Variants in TMEM156 observed in about 807,000 individuals in gnomAD.
TMEM156 encodes the protein transmembrane protein 156.
Under a neutral mutation model 30.5 loss-of-function variants are expected in TMEM156, and 28 were observed. The observed-to-expected ratio is 0.92, with a 90% CI of 0.68 to 1.26. TMEM156 has a LOEUF of 1.26. Ranked by LOEUF, TMEM156 falls within the 50% of genes most tolerant of loss-of-function variation. The pLI is 0.00. For missense variants in TMEM156, 351 were observed against 340.6 expected, an observed-to-expected ratio of 1.03 and a Z score of -0.24; for synonymous variants, 137 against 119.9, an observed-to-expected ratio of 1.14 and a Z score of -0.93.
intron 5 of TMEM156, among the ~76,000 whole-genome samples, chr4:38,983,096 G>A (rs1711707410): frequency 6.6e-6 from 1 of 152,096 alleles, no homozygotes; most frequent in Non-Finnish European, 1.5e-5. Flanking sequence ...TTCAGAGGGG[G>A]GTGACACCAG....
chr4:38,980,185 T>TAAAAA (rs780451036), intron 5 of TMEM156, among the ~76,000 whole-genome samples: 1 of 112,420 alleles, frequency 8.9e-6, no homozygotes, highest in East Asian at 2.5e-4. Context: ...CCAGATTAAC[T>TAAAAA]AAAAAAAAAA....
intron 1 of TMEM156, among the ~76,000 whole-genome samples, chr4:39,004,201 T>A (rs541783131): frequency 6.6e-6 from 1 of 152,250 alleles, no homozygotes; most frequent in East Asian, 1.9e-4. Context: ...GAGATGGAAA[T>A]GCATTCCAGA....
chr4:39,017,782 T>A (rs185729971), intron 1 of TMEM156, among the ~76,000 whole-genome samples: 32 of 152,338 alleles, frequency 2.1e-4, no homozygotes, highest in African/African-American at 7.5e-4. Context: ...AGTAATGATG[T>A]TAATCTTAAA....
chr4:39,031,269 G>T (rs1715486634), intron 1 of TMEM156, among the ~76,000 whole-genome samples: 1 of 152,010 alleles, frequency 6.6e-6, no homozygotes, highest in Non-Finnish European at 1.5e-5. Flanking sequence ...CAAGTCCTTT[G>T]CTAACATCAA....
chr4:39,021,554 C>G (rs1714869595), intron 1 of TMEM156, among the ~76,000 whole-genome samples: 1 of 151,772 alleles, frequency 6.6e-6, no homozygotes, highest in African/African-American at 2.4e-5. Context: ...GATATTAAAC[C>G]CTTATATATA....
Position 38,971,157 on chromosome 4 carries a change from G to C in TMEM156, c.824-20C>G, listed in dbSNP as rs1192118822. The C allele has an allele frequency of 2.5e-6, 4 of 1,611,584 alleles. No homozygotes were observed. The highest frequency in any genetic ancestry group is 3.4e-6 in the Non-Finnish European group (4 of 1,177,990). On this transcript the variant is annotated intron_variant, in intron 5 of 6. Coordinates refer to ENST00000381938, the MANE Select transcript of TMEM156 (RefSeq NM_024943.3). ...TCTCTGCTATTTAAGAAGGAGAACT[G>C]TTTTAGTCTATATGTAGTAAATAGC...
chr4:39,014,524 G>A (rs1017160718), intron 1 of TMEM156, among the ~76,000 whole-genome samples: 5 of 151,936 alleles, frequency 3.3e-5, no homozygotes, highest in African/African-American at 7.3e-5. Context: ...TTTGGGAGGC[G>A]GAGGTGGGCA....
chr4:39,006,887 G>A (rs1577561450), intron 1 of TMEM156, among the ~76,000 whole-genome samples: 3 of 152,154 alleles, frequency 2.0e-5, no homozygotes, highest in Admixed American at 2.0e-4. Context: ...AGGCCGTGGT[G>A]AGCCATGATC....
intron 5 of TMEM156, among the ~76,000 whole-genome samples, chr4:38,983,022 T>C (rs1422408767): frequency 6.6e-6 from 1 of 152,144 alleles, no homozygotes; most frequent in East Asian, 1.9e-4. Context: ...TACTCCTCCT[T>C]GGAGCTTGCA....
chr4:39,032,128 C>T, intron 1 of TMEM156, 98 bp downstream of exon 1: 1 of 727,022 alleles, frequency 1.4e-6, no homozygotes, highest in Non-Finnish European at 2.4e-6. Flanking sequence ...TCAGCCTATG[C>T]AGCATGTGTC....
Position 39,021,413 on chromosome 4 carries a change from AAAAAG to A in TMEM156, c.88+10808_88+10812del, listed in dbSNP as rs1427067467. ...TTGTCTCAAAAAAAAATAAATAAAT[AAAAAG>A]AAAAGAAAAGAAAAAAATGAAAAAA... On this transcript the variant is annotated intron_variant, in intron 1 of 6. Coordinates refer to ENST00000381938, the MANE Select transcript of TMEM156 (RefSeq NM_024943.3). 2.6e-3 allele frequency among the ~76,000 whole-genome samples: 388 copies of A among 152,118 alleles called. 1 individual carries two copies. The highest frequency in any genetic ancestry group is 9.0e-3 in the African/African-American group (373 of 41,516).
intron 3 of TMEM156, among the ~76,000 whole-genome samples, chr4:38,990,837 T>TTTTTTGTTTTTTTTTTG (rs1560365352): frequency 7.7e-6 from 1 of 129,180 alleles, no homozygotes; most frequent in African/African-American, 2.9e-5. Flanking sequence ...CTGGTTTTTT[T>TTTTTTGTTTTTTTTTTG]TTTTTTTTTT....
At position 38,998,623 on chromosome 4, in the gene TMEM156, C is replaced by T. The variant is rs780510323; in HGVS notation, c.358+17G>A. The stretch of plus-strand genomic sequence containing the variant: ...ATACCTGATACCATTTTATTCTCAC[C>T]TTCACTTTGTGTTTACCTTTTGATG... On this transcript the variant is annotated intron_variant, in intron 2 of 6. Transcript: ENST00000381938. 3.8e-6 allele frequency: 6 copies of T among 1,596,960 alleles called. No individual in the cohort carries two copies. In the African/African-American group the frequency reaches 6.7e-5, roughly 18 times the overall value.
intron 5 of TMEM156, among the ~76,000 whole-genome samples, chr4:38,972,721 C>G (rs772424269): frequency 6.6e-6 from 1 of 152,100 alleles, no homozygotes; most frequent in South Asian, 2.1e-4. Context: ...AAGCGCCAGC[C>G]GTTTGTATTT....
intron 1 of TMEM156, among the ~76,000 whole-genome samples, chr4:39,003,388 G>A (rs1577556212): frequency 1.3e-5 from 2 of 152,050 alleles, no homozygotes; most frequent in African/African-American, 4.8e-5. Flanking sequence ...AGGCTGGAGT[G>A]CAGTGGCATG....
chr4:38,997,014 T>A (rs1216665129), intron 2 of TMEM156, among the ~76,000 whole-genome samples: 1 of 152,184 alleles, frequency 6.6e-6, no homozygotes, highest in African/African-American at 2.4e-5. Flanking sequence ...AAAGAAAATT[T>A]ATTTAATAAA....
intron 5 of TMEM156, chr4:38,980,936 A>G: frequency 1.0e-6 from 1 of 985,396 alleles, no homozygotes; most frequent in South Asian, 4.7e-5. Context: ...CATTCAATGA[A>G]TGACTGGAAT....
rs1715570525 is a variant in TMEM156, at chr4:39,032,268, T to G, written c.46A>C (p.Thr16Pro). 1 of 1,610,322 alleles carries G rather than the reference T, an allele frequency of 6.2e-7. No individual in the cohort carries two copies. The highest frequency in any genetic ancestry group is 1.3e-5 in the African/African-American group (1 of 74,850). ...TATTCCGGCAAAATTAAAATGAATG[T>G]GATCACTATTGCCACAAATAATTTA... ...LLKLFVAIVI[T>P]FILILPEYFK... The change falls in exon 1 of 7, where the codon ACA becomes CCA. Residue 16 changes from threonine (T) to proline (P), a missense_variant. By Grantham distance (38) the Thr-to-Pro change is conservative. Coordinates refer to ENST00000381938, the MANE Select transcript of TMEM156 (RefSeq NM_024943.3).
intron 5 of TMEM156, among the ~76,000 whole-genome samples, chr4:38,976,469 A>C (rs1228710708): frequency 1.3e-5 from 2 of 152,108 alleles, no homozygotes; most frequent in Non-Finnish European, 2.9e-5. Context: ...AACCCGAGTG[A>C]GCGTAGATGC....
Sources: gnomAD v4.1 joint callset for allele counts (sites outside exome capture counted in the v4.1 genomes callset) on GRCh38, gnomAD v4.1.1 for gene constraint, MANE v1.5 for transcripts, NCBI Gene and HGNC (gene_info 2026-07-23, HGNC 2026-07-21) for gene names.